CACNB2: variants seen among roughly 807,000 people sequenced by gnomAD.
The protein encoded by CACNB2 is voltage-dependent L-type calcium channel subunit beta-2.
In CACNB2, 42 loss-of-function variants were observed where a neutral mutation model predicts 73.3. The ratio of observed to expected loss-of-function variants is 0.57; its 90% CI spans 0.45 to 0.74. The LOEUF is 0.74. Ranked by LOEUF, CACNB2 falls within the 30% of genes least tolerant of loss-of-function variation. CACNB2 has a pLI of 0.00. For missense variants in CACNB2, 940 were observed against 853.0 expected (o/e 1.10, Z -1.27); for synonymous variants, 348 against 310.3 (o/e 1.12, Z -1.28).
At chr10:18,258,510 G>A (rs921247511) in intron 2 of CACNB2, among the ~76,000 whole-genome samples, 10 of 151,980 alleles carry the variant, frequency 6.6e-5, no homozygotes, top group East Asian at 1.9e-4. Context: ...GGCGGATCAC[G>A]AGGACTGGAG....
At chr10:18,400,759 G>A in intron 2 of CACNB2, 2 of 1,371,696 alleles carry the variant, frequency 1.5e-6, no homozygotes, top group Non-Finnish European at 1.9e-6. Flanking sequence ...TTGATGCTCG[G>A]CTTTTGAATG....
chr10:18,301,938 C>T (rs752525752), intron 2 of CACNB2, among the ~76,000 whole-genome samples: 6 of 152,044 alleles, frequency 3.9e-5, no homozygotes, highest in Non-Finnish European at 7.3e-5. Context: ...TGAGCCACCG[C>T]GCCCAGCCGC....
intron 2 of CACNB2, among the ~76,000 whole-genome samples, chr10:18,263,263 G>A (rs1485361505): frequency 6.6e-6 from 1 of 152,102 alleles, no homozygotes; most frequent in Non-Finnish European, 1.5e-5. Context: ...ATCTGTAACG[G>A]AGACTTTAGA....
At chr10:18,538,043 G>C (rs1273425291) in intron 12 of CACNB2, 137 bp from the exon 13 acceptor site, 2 of 808,352 alleles carry the variant, frequency 2.5e-6, no homozygotes, top group Admixed American at 1.9e-5. Flanking sequence ...TAAAAAGGGA[G>C]ATAGTAGCAG....
At position 18,474,606 on chromosome 10, in the gene CACNB2, G is replaced by C. The variant is rs575900233; in HGVS notation, c.334-23749G>C. 6.6e-5 allele frequency among the ~76,000 whole-genome samples: 10 copies of C among 152,210 alleles called. No homozygotes were observed. In the East Asian group the frequency reaches 1.9e-3, roughly 29 times the overall value. ...AGCGCACGGCTCCTGACCTGGATGG[G>C]TGGCCTTAGATCTGTGAAGCACATC... On this transcript the variant is annotated intron_variant, in intron 3 of 13. Coordinates refer to ENST00000324631, the MANE Select transcript of CACNB2 (RefSeq NM_201596.3).
intron 2 of CACNB2, among the ~76,000 whole-genome samples, chr10:18,186,181 A>T (rs1003212084): frequency 3.9e-5 from 6 of 152,142 alleles, no homozygotes; most frequent in African/African-American, 7.2e-5. Context: ...GCACTTCGGG[A>T]GGTGAAGGTG....
intron 2 of CACNB2, among the ~76,000 whole-genome samples, chr10:18,166,834 T>G (rs967709141): frequency 1.3e-5 from 2 of 152,184 alleles, no homozygotes; most frequent in Admixed American, 6.5e-5. Flanking sequence ...ACATGGCACA[T>G]GTATACATAT....
In CACNB2 at chr10:18,163,551, G is replaced by T. The variant is rs143391181; in HGVS notation, c.213+12576G>T. ...CTTGGAAGAGGGTTGCATCCCAAGAGCTGAGTTGGCCTCAGGCAGGGCCGC... is the reference window on the plus strand; with the variant it reads ...CTTGGAAGAGGGTTGCATCCCAAGATCTGAGTTGGCCTCAGGCAGGGCCGC... On this transcript the variant is annotated intron_variant, in intron 2 of 13. Transcript: ENST00000324631. Among the ~76,000 whole-genome samples, 853 of 152,278 alleles carry T rather than the reference G, an allele frequency of 5.6e-3. 6 individuals are homozygous for T. Among genetic ancestry groups the T allele is most frequent in the African/African-American group, 0.017 (717 of 41,546 alleles).
intron 2 of CACNB2, among the ~76,000 whole-genome samples, chr10:18,220,228 TATATAGAGAGAGAGAGAG>T (rs2035716211): frequency 2.4e-5 from 1 of 40,942 alleles, no homozygotes; most frequent in African/African-American, 2.1e-4. Flanking sequence ...TATATATATA[TATATAGAGAGAGAGAGAG>T]AGAGAGAGAG....
chr10:18,535,882 ATGTT>A (rs1277221674), intron 11 of CACNB2, among the ~76,000 whole-genome samples: 5 of 152,122 alleles, frequency 3.3e-5, no homozygotes, highest in Non-Finnish European at 7.3e-5. Context: ...GTGAGATAAA[ATGTT>A]TGAGAGCTGC....
At chr10:18,403,089 A>G (rs1398900894) in intron 3 of CACNB2, among the ~76,000 whole-genome samples, 1 of 152,192 alleles carries the variant, frequency 6.6e-6, no homozygotes, top group Non-Finnish European at 1.5e-5. Flanking sequence ...ACTTCTAAAA[A>G]GCAGTACTTT....
intron 13 of CACNB2, 132 bp from the exon 14 acceptor site, chr10:18,539,098 A>C: frequency 8.9e-7 from 1 of 1,127,036 alleles, no homozygotes; most frequent in Non-Finnish European, 1.3e-6. Flanking sequence ...TACCAAAGGG[A>C]TGAAGCTAGG....
chr10:18,231,317 C>T (rs1172448074), intron 2 of CACNB2, among the ~76,000 whole-genome samples: 1 of 152,180 alleles, frequency 6.6e-6, no homozygotes, highest in Non-Finnish European at 1.5e-5. Context: ...GCTGGGATTA[C>T]AGGCAGGCGC....
chr10:18,220,250 G>T (rs1159013806), intron 2 of CACNB2, among the ~76,000 whole-genome samples: 50 of 116,306 alleles, frequency 4.3e-4, no homozygotes, highest in African/African-American at 6.7e-4. Context: ...GAGAGAGAGA[G>T]AGAGAGAGAG....
chr10:18,408,615 G>A (rs531930526), intron 3 of CACNB2, among the ~76,000 whole-genome samples: 8 of 152,166 alleles, frequency 5.3e-5, no homozygotes, highest in Admixed American at 2.0e-4. Flanking sequence ...CAAACACATA[G>A]GTTTACAAAA....
chr10:18,203,448 G>A (rs2034966780), intron 2 of CACNB2, among the ~76,000 whole-genome samples: 2 of 152,168 alleles, frequency 1.3e-5, no homozygotes, highest in Admixed American at 1.3e-4. Flanking sequence ...AACACACCGT[G>A]AGTGAGAGCA....
intron 9 of CACNB2, among the ~76,000 whole-genome samples, 152 bp from the exon 10 acceptor site, chr10:18,527,413 TAAAAATGAATAAGTAAAAAGAAA>T (rs1564655713): frequency 6.6e-6 from 1 of 151,976 alleles, no homozygotes; most frequent in Non-Finnish European, 1.5e-5. Context: ...AGGTGCAAGA[TAAAAATGAATAAGTAAAAAGAAA>T]AAAAATGAAT....
intron 2 of CACNB2, among the ~76,000 whole-genome samples, chr10:18,398,765 T>C (rs2043841696): frequency 6.6e-6 from 1 of 151,854 alleles, no homozygotes; most frequent in South Asian, 2.1e-4. Flanking sequence ...GGAATGAAGG[T>C]AATCCAGCTC....
In CACNB2 at chr10:18,326,504, C is replaced by T. The variant is rs553888136; in HGVS notation, c.214-75420C>T. 1.4e-4 allele frequency among the ~76,000 whole-genome samples: 21 copies of T among 152,286 alleles called. No individual in the cohort carries two copies. The East Asian group carries it at 3.9e-3, about 28-fold the overall frequency. The stretch of plus-strand genomic sequence containing the variant: ...GCGGGTGGAAGTAAACAGAGTTCCT[C>T]CTTCATCAGACTTCGTCAGAACTGC... On this transcript the variant is annotated intron_variant, in intron 2 of 13. Transcript: ENST00000324631.
Sources: allele counts gnomAD v4.1 joint callset (sites outside exome capture counted in the v4.1 genomes callset), GRCh38; gene constraint gnomAD v4.1.1; transcripts MANE v1.5; gene names NCBI Gene and HGNC (gene_info 2026-07-23, HGNC 2026-07-21).